Variants in ZRANB3 observed in about 807,000 individuals in gnomAD.
ZRANB3 encodes DNA annealing helicase and endonuclease ZRANB3.
ZRANB3 carries 125 observed loss-of-function variants against 133.8 expected under a neutral mutation model. That is an observed-to-expected ratio of 0.93 (90% CI 0.81 to 1.08). The LOEUF (loss-of-function observed/expected upper bound fraction) is 1.08, where lower values mean the gene tolerates loss of function less well. Among genes scored for constraint, ZRANB3 ranks in the 50% least tolerant of loss-of-function variants. The pLI is 0.00. For missense variants in ZRANB3, 1,229 were observed against 1,275.5 expected (o/e 0.96, Z 0.56); for synonymous variants, 387 against 432.7 (o/e 0.89, Z 1.31).
At chr2:135,415,408 A>G (rs1688518862) in intron 2 of ZRANB3, among the ~76,000 whole-genome samples, 1 of 152,204 alleles carries the variant, frequency 6.6e-6, no homozygotes, top group African/African-American at 2.4e-5. Context: ...CTAAACCAGG[A>G]AGAAGTTGAA....
At chr2:135,345,688 T>C (rs1357285634) in intron 5 of ZRANB3, 53 bp from the exon 6 acceptor site, 1 of 1,262,450 alleles carries the variant, frequency 7.9e-7, no homozygotes, top group Non-Finnish European at 1.1e-6. Context: ...AGTAAATTAT[T>C]ATTACAATGA....
intron 1 of ZRANB3, among the ~76,000 whole-genome samples, chr2:135,515,000 T>C (rs1693641589): frequency 6.6e-6 from 1 of 152,332 alleles, no homozygotes. Flanking sequence ...TTGATCTTGG[T>C]GGATAAGCTT....
At chr2:135,378,358 T>A (rs1686520453) in intron 3 of ZRANB3, among the ~76,000 whole-genome samples, 1 of 151,620 alleles carries the variant, frequency 6.6e-6, no homozygotes, top group East Asian at 1.9e-4. Flanking sequence ...CCAGGTGTAG[T>A]GGTGGGTGCC....
At chr2:135,505,233 T>C (rs2104823546) in intron 1 of ZRANB3, among the ~76,000 whole-genome samples, 1 of 152,224 alleles carries the variant, frequency 6.6e-6, no homozygotes, top group East Asian at 1.9e-4. Context: ...TAATATTTTG[T>C]ATTTAGATGG....
intron 8 of ZRANB3, among the ~76,000 whole-genome samples, chr2:135,280,776 T>A (rs1681068135): frequency 6.6e-6 from 1 of 152,110 alleles, no homozygotes; most frequent in Non-Finnish European, 1.5e-5. Context: ...AGACAAAAAC[T>A]TCAAACCTGA....
chr2:135,527,234 G>A (rs968647309), intron 1 of ZRANB3, among the ~76,000 whole-genome samples: 16 of 152,240 alleles, frequency 1.1e-4, no homozygotes, highest in East Asian at 5.8e-4. Context: ...TGGGGCCTCA[G>A]AGAAGACTCA....
rs545315889 is a variant in ZRANB3, at chr2:135,300,555, C to CA, written c.966+12933dup. 7.9e-4 allele frequency among the ~76,000 whole-genome samples: 121 copies of CA among 152,266 alleles called. 1 individual carries two copies. Among genetic ancestry groups the CA allele is most frequent in the African/African-American group, 2.6e-3 (107 of 41,556 alleles). ...ATTATGCTTAATGGGGGTCTGGGCA[C>CA]AAAATATATCTCCTATTTTTTCACA... On this transcript the variant is annotated intron_variant, in intron 8 of 20. Coordinates refer to ENST00000264159, the MANE Select transcript of ZRANB3 (RefSeq NM_032143.4).
At chr2:135,388,284 T>G (rs1162146656) in intron 3 of ZRANB3, among the ~76,000 whole-genome samples, 1 of 152,082 alleles carries the variant, frequency 6.6e-6, no homozygotes. Context: ...TCCCATCACA[T>G]GTGGGAATTA....
intron 12 of ZRANB3, among the ~76,000 whole-genome samples, chr2:135,254,938 A>C (rs1288552795): frequency 6.6e-6 from 1 of 151,972 alleles, no homozygotes. Flanking sequence ...TTTTTAGTAG[A>C]GATGGGAGTT....
At chr2:135,453,037 G>A (rs1690343821) in intron 2 of ZRANB3, among the ~76,000 whole-genome samples, 1 of 152,238 alleles carries the variant, frequency 6.6e-6, no homozygotes. Context: ...GCATGCGGGT[G>A]TTTCCATACA....
intron 17 of ZRANB3, among the ~76,000 whole-genome samples, chr2:135,216,605 T>A (rs1694323513): frequency 2.6e-5 from 4 of 151,762 alleles, no homozygotes; most frequent in Admixed American, 2.6e-4. Flanking sequence ...TGGCTAATTT[T>A]TTTTTTTTTT....
intron 5 of ZRANB3, among the ~76,000 whole-genome samples, chr2:135,347,539 C>G (rs1684997282): frequency 6.6e-6 from 1 of 152,194 alleles, no homozygotes; most frequent in Non-Finnish European, 1.5e-5. Flanking sequence ...GCCTCAGCCT[C>G]CCAAAGTGCT....
chr2:135,240,424 A>G (rs1370243215), intron 12 of ZRANB3, among the ~76,000 whole-genome samples: 2 of 152,276 alleles, frequency 1.3e-5, no homozygotes, highest in Non-Finnish European at 2.9e-5. Context: ...AAATACTAGC[A>G]AATGTTCAGC....
intron 2 of ZRANB3, among the ~76,000 whole-genome samples, chr2:135,473,681 T>C (rs1691377791): frequency 6.6e-6 from 1 of 152,214 alleles, no homozygotes; most frequent in Non-Finnish European, 1.5e-5. Context: ...GAATAGATAA[T>C]GGTGTCTTCG....
chr2:135,516,200 T>C (rs992062184), intron 1 of ZRANB3, among the ~76,000 whole-genome samples: 1 of 152,196 alleles, frequency 6.6e-6, no homozygotes, highest in Non-Finnish European at 1.5e-5. Context: ...ATGGGTCTTC[T>C]GAACACGGCA....
chr2:135,212,924 A>G (rs918113433), intron 17 of ZRANB3, among the ~76,000 whole-genome samples: 1 of 152,176 alleles, frequency 6.6e-6, no homozygotes, highest in African/African-American at 2.4e-5. Flanking sequence ...CCTCTGATAA[A>G]TGGGACTCAG....
intron 8 of ZRANB3, among the ~76,000 whole-genome samples, chr2:135,304,560 T>C (rs149495957): frequency 1.3e-5 from 2 of 152,284 alleles, no homozygotes; most frequent in East Asian, 3.9e-4. Flanking sequence ...CCTGAAGTTA[T>C]AAAATTATTT....
At chr2:135,474,271 AAAT>A (rs1691404377) in intron 2 of ZRANB3, among the ~76,000 whole-genome samples, 1 of 152,168 alleles carries the variant, frequency 6.6e-6, no homozygotes, top group African/African-American at 2.4e-5. Context: ...CATTTTTAGT[AAAT>A]AATATAAATT....
At chr2:135,380,321 C>G (rs1269596889) in intron 3 of ZRANB3, among the ~76,000 whole-genome samples, 1 of 152,188 alleles carries the variant, frequency 6.6e-6, no homozygotes. Flanking sequence ...ACCTAATAGA[C>G]ATCTACAGAA....
Sources: allele counts gnomAD v4.1 joint callset (sites outside exome capture counted in the v4.1 genomes callset), GRCh38; gene constraint gnomAD v4.1.1; transcripts MANE v1.5; gene names NCBI Gene and HGNC (gene_info 2026-07-23, HGNC 2026-07-21).